LUZP2: variants seen among roughly 807,000 people sequenced by gnomAD.
LUZP2 encodes the protein leucine zipper protein 2.
Under a neutral mutation model 51.6 loss-of-function variants are expected in LUZP2, and 52 were observed. The observed-to-expected ratio is 1.01, with a 90% CI of 0.81 to 1.27. The LOEUF (loss-of-function observed/expected upper bound fraction) is 1.27, where lower values mean the gene tolerates loss of function less well. Ranked by LOEUF, LUZP2 falls within the 50% of genes most tolerant of loss-of-function variation. The pLI, the probability that LUZP2 is intolerant of heterozygous loss-of-function variation, is 0.00. For synonymous variants in LUZP2, 154 were observed against 137.3 expected (o/e 1.12, Z -0.85); for missense variants, 436 against 395.4 (o/e 1.10, Z -0.87).
chr11:24,597,598 C>T (rs546027279), intron 1 of LUZP2, among the ~76,000 whole-genome samples: 1 of 152,250 alleles, frequency 6.6e-6, no homozygotes, highest in East Asian at 1.9e-4. Context: ...CAAAAATTAG[C>T]TAAGCATCAG....
intron 9 of LUZP2, among the ~76,000 whole-genome samples, chr11:25,033,680 G>A (rs1857768610): frequency 6.6e-6 from 1 of 152,058 alleles, no homozygotes; most frequent in South Asian, 2.1e-4. Flanking sequence ...GCAGTATTTG[G>A]TTTTCTGTTC....
intron 9 of LUZP2, among the ~76,000 whole-genome samples, chr11:25,048,013 G>A (rs1283553701): frequency 6.6e-6 from 1 of 151,908 alleles, no homozygotes; most frequent in Non-Finnish European, 1.5e-5. Context: ...GACACATGAT[G>A]TTATCCAGGC....
chr11:24,860,764 A>G (rs1851716202), intron 5 of LUZP2, among the ~76,000 whole-genome samples: 1 of 152,156 alleles, frequency 6.6e-6, no homozygotes, highest in Non-Finnish European at 1.5e-5. Flanking sequence ...AACTGCATCA[A>G]CGACAACAAA....
At chr11:24,645,458 G>T (rs1467899059) in intron 1 of LUZP2, among the ~76,000 whole-genome samples, 2 of 152,232 alleles carry the variant, frequency 1.3e-5, no homozygotes, top group Admixed American at 1.3e-4. Context: ...ATTGGCATCA[G>T]TTTCTTGAAT....
At chr11:25,040,428 G>T (rs1388900496) in intron 9 of LUZP2, among the ~76,000 whole-genome samples, 1 of 140,658 alleles carries the variant, frequency 7.1e-6, no homozygotes. Flanking sequence ...GGGAACTCAA[G>T]GTGAACAGTA....
At chr11:24,939,235 T>C (rs1304290649) in intron 7 of LUZP2, among the ~76,000 whole-genome samples, 1 of 152,174 alleles carries the variant, frequency 6.6e-6, no homozygotes, top group African/African-American at 2.4e-5. Flanking sequence ...GCACTCGTAC[T>C]TGTTTAACTT....
At chr11:24,607,794 T>C (rs1419881080) in intron 1 of LUZP2, among the ~76,000 whole-genome samples, 1 of 152,020 alleles carries the variant, frequency 6.6e-6, no homozygotes, top group Non-Finnish European at 1.5e-5. Flanking sequence ...CCTAATTCAT[T>C]GTAGTACATC....
At chr11:24,706,479 C>T (rs1280128679) in intron 1 of LUZP2, among the ~76,000 whole-genome samples, 1 of 152,190 alleles carries the variant, frequency 6.6e-6, no homozygotes, top group Non-Finnish European at 1.5e-5. Context: ...TGTTAAAATT[C>T]CTTTTTCCAA....
intron 1 of LUZP2, among the ~76,000 whole-genome samples, chr11:24,619,269 C>T (rs575136669): frequency 3.9e-5 from 6 of 151,978 alleles, no homozygotes; most frequent in Non-Finnish European, 5.9e-5. Context: ...CCTGGCTTCA[C>T]GCAATCCTCC....
intron 9 of LUZP2, among the ~76,000 whole-genome samples, chr11:24,988,128 C>A (rs978482232): frequency 6.6e-6 from 1 of 151,968 alleles, no homozygotes; most frequent in Non-Finnish European, 1.5e-5. Context: ...CAGAGGTGAT[C>A]AATTTTAAAC....
chr11:24,556,987 C>A (rs1464324160), intron 1 of LUZP2, among the ~76,000 whole-genome samples: 2 of 152,132 alleles, frequency 1.3e-5, no homozygotes, highest in African/African-American at 4.8e-5. Context: ...CCAGGCCATG[C>A]ACTCTACCAT....
intron 10 of LUZP2, among the ~76,000 whole-genome samples, chr11:25,064,762 C>G (rs1221796711): frequency 6.6e-6 from 1 of 152,012 alleles, no homozygotes; most frequent in African/African-American, 2.4e-5. Flanking sequence ...TCTGCTCTCT[C>G]TCTTATCCTA....
intron 9 of LUZP2, among the ~76,000 whole-genome samples, chr11:25,043,539 CA>C (rs1251935100): frequency 1.2e-5 from 1 of 82,924 alleles, no homozygotes; most frequent in Admixed American, 1.5e-4. Context: ...GACAGAGCTG[CA>C]AAAAAAAGAA....
chr11:24,894,902 A>G (rs1235910982), intron 5 of LUZP2, among the ~76,000 whole-genome samples: 2 of 152,172 alleles, frequency 1.3e-5, no homozygotes, highest in Non-Finnish European at 2.9e-5. Flanking sequence ...ACTACAATCA[A>G]AATAGTTATT....
rs144367354 is a variant in LUZP2, at chr11:25,059,347, C to G, written c.858+9217C>G. On this transcript the variant is annotated intron_variant, in intron 10 of 11. Transcript: ENST00000336930. ...GCTTTAATTCTTGAAGTTTTATTCT[C>G]TATTTCTGAGAGCAGGAATAGAGTA... Among the ~76,000 whole-genome samples, 430 of 152,224 alleles carry G rather than the reference C, an allele frequency of 2.8e-3. 2 individuals carry two copies. Among genetic ancestry groups the G allele is most frequent in the Non-Finnish European group, 4.4e-3 (299 of 68,002 alleles).
chr11:24,633,919 TA>T (rs1386481129), intron 1 of LUZP2, among the ~76,000 whole-genome samples: 4 of 150,344 alleles, frequency 2.7e-5, no homozygotes, highest in South Asian at 2.1e-4. Context: ...TATTAAAATG[TA>T]TTTTTTTAGT....
intron 1 of LUZP2, among the ~76,000 whole-genome samples, chr11:24,644,144 G>A (rs746313580): frequency 2.0e-5 from 3 of 152,090 alleles, no homozygotes; most frequent in African/African-American, 2.4e-5. Context: ...TCCATTGAAC[G>A]TGCTACAGTT....
chr11:24,963,151 G>A (rs1158337759), intron 7 of LUZP2, among the ~76,000 whole-genome samples: 2 of 152,140 alleles, frequency 1.3e-5, no homozygotes, highest in South Asian at 4.1e-4. Context: ...ACCCGGCCGT[G>A]TGAAGTGTCA....
intron 1 of LUZP2, among the ~76,000 whole-genome samples, chr11:24,530,827 G>T (rs1293195258): frequency 4.8e-5 from 6 of 124,494 alleles, no homozygotes; most frequent in African/African-American, 1.8e-4. Context: ...ACACTCTCCT[G>T]GTTTTGTCCC....
Sources: gnomAD v4.1 joint callset for allele counts (sites outside exome capture counted in the v4.1 genomes callset) on GRCh38, gnomAD v4.1.1 for gene constraint, MANE v1.5 for transcripts, NCBI Gene and HGNC (gene_info 2026-07-23, HGNC 2026-07-21) for gene names.